ZNF487: variants seen among roughly 807,000 people sequenced by gnomAD.
ZNF487 encodes zinc finger protein 487.
Under a neutral mutation model 3.0 loss-of-function variants are expected in ZNF487, and 4 were observed. The ratio of observed to expected loss-of-function variants is 1.35; its 90% CI spans 0.66 to 3.08. ZNF487 has a LOEUF of 3.08. Ranked by LOEUF, ZNF487 falls within the 30% of genes most tolerant of loss-of-function variation. The pLI, the probability that ZNF487 is intolerant of heterozygous loss-of-function variation, is 0.01. For missense variants in ZNF487, 146 were observed against 98.7 expected, an observed-to-expected ratio of 1.48 and a Z score of -2.03; for synonymous variants, 55 against 34.6, an observed-to-expected ratio of 1.59 and a Z score of -2.06.
the ZNF487 span, among the ~76,000 whole-genome samples, chr10:43,498,111 T>TC: frequency 3.3e-4 from 3 of 9,222 alleles, no homozygotes; most frequent in Middle Eastern, 0.042. Context: ...TTTTTTTTTT[T>TC]TTCTTTTTTT....
chr10:43,480,026 T>TCTTC (rs1491387809), intron 3 of ZNF487, among the ~76,000 whole-genome samples: 9 of 71,952 alleles, frequency 1.3e-4, no homozygotes, highest in African/African-American at 3.0e-4. Flanking sequence ...TTTCTTTCTT[T>TCTTC]CTTTCTTTCT....
downstream of ZNF487, among the ~76,000 whole-genome samples, chr10:43,485,072 G>T (rs756544830): frequency 1.3e-5 from 2 of 152,120 alleles, no homozygotes; most frequent in Non-Finnish European, 2.9e-5. Flanking sequence ...GCAGCAAGGC[G>T]GGCCAGATTT....
At chr10:43,451,634 C>A (rs965170540) in intron 1 of ZNF487, among the ~76,000 whole-genome samples, 1 of 151,454 alleles carries the variant, frequency 6.6e-6, no homozygotes, top group African/African-American at 2.4e-5. Context: ...GGCGTGATCT[C>A]GGCTCACTGC....
At chr10:43,469,830 A>G (rs1840840600) in intron 1 of ZNF487, among the ~76,000 whole-genome samples, 1 of 152,060 alleles carries the variant, frequency 6.6e-6, no homozygotes, top group Middle Eastern at 3.4e-3. Context: ...TACTCCTGTA[A>G]TCCTAGGTAC....
intron 1 of ZNF487, among the ~76,000 whole-genome samples, chr10:43,447,894 G>GTT (rs1233212946): frequency 1.3e-5 from 2 of 151,454 alleles, no homozygotes; most frequent in Non-Finnish European, 2.9e-5. Flanking sequence ...ACTCAAGTCA[G>GTT]TTAGCTGGGG....
chr10:43,455,028 G>T (rs59509434), intron 1 of ZNF487, among the ~76,000 whole-genome samples: 5,695 of 55,948 alleles, frequency 0.1, 97 homozygotes, highest in South Asian at 0.13. Flanking sequence ...TTTTTTTTTT[G>T]GAGACAGTCT....
Position 43,475,742 on chromosome 10 carries a change from G to A in ZNF487, c.-72G>A, listed in dbSNP as rs770641047. The A allele has an allele frequency of 5.1e-6, 4 of 780,816 alleles. No homozygotes were observed. Among genetic ancestry groups the A allele is most frequent in the Non-Finnish European group, 9.6e-6 (4 of 418,102 alleles). The allele number at this position is 780,816 out of a possible 1,614,324, so 48.4% of individuals were successfully genotyped here. Reference sequence around the variant, plus strand: ...CTAGGGATCAGTGTCCTTCAGTGATGTGGCTGTGGGCTTCACCCAGGAGGA... The same window carrying A: ...CTAGGGATCAGTGTCCTTCAGTGATATGGCTGTGGGCTTCACCCAGGAGGA... On this transcript the variant is annotated 5_prime_UTR_variant, in exon 2 of 4. The change creates a new upstream start codon in the 5' untranslated region. Coordinates refer to ENST00000437590, the MANE Select transcript of ZNF487 (RefSeq NM_001355444.3).
At chr10:43,501,937 A>G in the ZNF487 span, among the ~76,000 whole-genome samples, 2 of 152,220 alleles carry the variant, frequency 1.3e-5, no homozygotes, top group African/African-American at 2.4e-5. Context: ...TGAAACTACA[A>G]AACATTGTTG....
intron 1 of ZNF487, among the ~76,000 whole-genome samples, chr10:43,463,592 C>T (rs1840518190): frequency 6.6e-6 from 1 of 151,538 alleles, no homozygotes; most frequent in Non-Finnish European, 1.5e-5. Flanking sequence ...ACTATGTTGC[C>T]CAGGTTGGTC....
At chr10:43,472,173 C>T (rs1840930056) in intron 1 of ZNF487, among the ~76,000 whole-genome samples, 1 of 152,156 alleles carries the variant, frequency 6.6e-6, no homozygotes, top group Admixed American at 6.6e-5. Flanking sequence ...CTGGTAATCT[C>T]TCCAGCTCAG....
At chr10:43,447,937 C>T (rs1180187923) in intron 1 of ZNF487, among the ~76,000 whole-genome samples, 2 of 150,342 alleles carry the variant, frequency 1.3e-5, no homozygotes, top group Non-Finnish European at 2.9e-5. Context: ...TGTTTCCTAT[C>T]TCTTAGGGAT....
the ZNF487 span, among the ~76,000 whole-genome samples, chr10:43,501,508 G>C: frequency 1.3e-5 from 2 of 152,312 alleles, no homozygotes; most frequent in East Asian, 3.9e-4. Flanking sequence ...GGGAGGCTGA[G>C]GTGGGCAGAT....
intron 1 of ZNF487, among the ~76,000 whole-genome samples, chr10:43,449,653 C>T (rs1839937405): frequency 6.6e-6 from 1 of 151,262 alleles, no homozygotes; most frequent in Non-Finnish European, 1.5e-5. Flanking sequence ...TGTAATGTTC[C>T]TCAGCAGTTA....
At chr10:43,470,918 C>T (rs1427385655) in intron 1 of ZNF487, among the ~76,000 whole-genome samples, 1 of 151,992 alleles carries the variant, frequency 6.6e-6, no homozygotes, top group Non-Finnish European at 1.5e-5. Context: ...ATCCTGGGCT[C>T]AGGTGTTCAA....
chr10:43,504,723 G>GT, the ZNF487 span, among the ~76,000 whole-genome samples: 4 of 16,006 alleles, frequency 2.5e-4, no homozygotes, highest in Non-Finnish European at 8.0e-4. Flanking sequence ...TGTTGTTGTT[G>GT]TTTTTTTTTT....
the ZNF487 span, among the ~76,000 whole-genome samples, chr10:43,513,557 G>T: frequency 6.6e-6 from 1 of 152,176 alleles, no homozygotes; most frequent in African/African-American, 2.4e-5. Flanking sequence ...AATCTCCACA[G>T]TCTCTCCAGG....
chr10:43,455,631 G>A (rs946466549), intron 1 of ZNF487, among the ~76,000 whole-genome samples: 3 of 152,234 alleles, frequency 2.0e-5, no homozygotes, highest in African/African-American at 7.2e-5. Flanking sequence ...TCCGTGGCGC[G>A]GCGCGCTTGT....
chr10:43,441,397 C>G (rs1181197118), intron 1 of ZNF487, among the ~76,000 whole-genome samples: 1 of 151,930 alleles, frequency 6.6e-6, no homozygotes, highest in East Asian at 1.9e-4. Context: ...TCCCGACTAG[C>G]TGGGACTACA....
chr10:43,451,094 G>A (rs1839991564), intron 1 of ZNF487, among the ~76,000 whole-genome samples: 1 of 151,888 alleles, frequency 6.6e-6, no homozygotes, highest in Non-Finnish European at 1.5e-5. Context: ...TTACAGGCAT[G>A]TGCCACCACG....
Sources: gnomAD v4.1 joint callset for allele counts (sites outside exome capture counted in the v4.1 genomes callset) on GRCh38, gnomAD v4.1.1 for gene constraint, MANE v1.5 for transcripts, NCBI Gene and HGNC (gene_info 2026-07-23, HGNC 2026-07-21) for gene names.